TMC8: variants seen among roughly 807,000 people sequenced by gnomAD.
TMC8 encodes the protein transmembrane channel-like protein 8.
TMC8 carries 71 observed loss-of-function variants against 76.0 expected under a neutral mutation model. The ratio of observed to expected loss-of-function variants is 0.93; its 90% CI spans 0.77 to 1.14. The LOEUF (loss-of-function observed/expected upper bound fraction) is 1.14. Among genes scored for constraint, TMC8 ranks in the 50% most tolerant of loss-of-function variants. The pLI, the probability that TMC8 is intolerant of heterozygous loss-of-function variation, is 0.00. For missense variants in TMC8, 924 were observed against 947.9 expected (o/e 0.97, Z 0.33); for synonymous variants, 433 against 433.8 (o/e 1.00, Z 0.02).
chr17:78,134,735 C>A (rs1168403482), intron 8 of TMC8, 135 bp from the exon 9 acceptor site: 2 of 1,532,208 alleles, frequency 1.3e-6, no homozygotes, highest in Non-Finnish European at 1.8e-6. Flanking sequence ...AACTGCCAGG[C>A]TGCTGCAGGG....
Position 78,139,000 on chromosome 17 carries a change from C to T in TMC8, c.1824-162C>T, listed in dbSNP as rs573082004. On this transcript the variant is annotated intron_variant, in intron 14 of 15. Transcript: ENST00000318430. ...GCCAGAGGGGAGGGGATGAGGGGCT[C>T]TGCGAGGAAGGAGAGGAGGGTCCCA... 3 of 1,557,116 alleles carry T rather than the reference C, an allele frequency of 1.9e-6. No individual in the cohort carries two copies. In the South Asian group the frequency reaches 3.5e-5, roughly 18 times the overall value.
rs2075395782 is a variant in TMC8, at chr17:78,142,900, C to T, written c.*1788C>T. 1 of 151,790 alleles carries T rather than the reference C, an allele frequency of 6.6e-6. No individual in the cohort carries two copies. The highest frequency in any genetic ancestry group is 2.4e-5 in the African/African-American group (1 of 41,252). 9.4% of individuals were successfully genotyped at this position (151,790 alleles called of 1,614,324 possible). A position where few individuals can be genotyped will look rare whatever the true frequency, so the allele number is the denominator to read the frequency against. On this transcript the variant is annotated 3_prime_UTR_variant, in exon 16 of 16. Transcript: ENST00000318430. ...ATCAAACTCTGGGCCTCGGTGTGCTCACCCAGGGCGAGACAAAGACGCCAT... is the reference window on the plus strand; with the variant it reads ...ATCAAACTCTGGGCCTCGGTGTGCTTACCCAGGGCGAGACAAAGACGCCAT...
chr17:78,139,072 T>G, intron 14 of TMC8, 90 bp from the exon 15 acceptor site: 1 of 1,584,184 alleles, frequency 6.3e-7, no homozygotes, highest in Non-Finnish European at 8.6e-7. Context: ...GTACCGCGTA[T>G]TGTAGAGATT....
At chr17:78,138,796 G>A in intron 14 of TMC8, 64 bp downstream of exon 14, 1 of 1,594,374 alleles carries the variant, frequency 6.3e-7, no homozygotes, top group Non-Finnish European at 8.5e-7. Context: ...CCTTCCATGG[G>A]GGTGGTGAGC....
chr17:78,141,191 A>C lies in TMC8; in HGVS notation c.*79A>C. On this transcript the variant is annotated 3_prime_UTR_variant, in exon 16 of 16. Coordinates refer to ENST00000318430, the MANE Select transcript of TMC8 (RefSeq NM_152468.5). ...TCCATCTTCCAGACCCCTGGCGACCACCGCCCCTCTCAGTGGCTCCAGGGC... is the reference window on the plus strand; with the variant it reads ...TCCATCTTCCAGACCCCTGGCGACCCCCGCCCCTCTCAGTGGCTCCAGGGC... The C allele has an allele frequency of 2.0e-6, 2 of 1,004,760 alleles. No homozygotes were observed. Among genetic ancestry groups the C allele is most frequent in the East Asian group, 2.9e-5 (1 of 34,754 alleles). 62.2% of individuals were successfully genotyped at this position (1,004,760 alleles called of 1,614,324 possible).
At chr17:78,136,569 G>A (rs1208175955) in intron 9 of TMC8, 1 of 169,982 alleles carries the variant, frequency 5.9e-6, no homozygotes, top group Non-Finnish European at 1.3e-5. Flanking sequence ...CATATGTGTG[G>A]CACGTGTTTA....
intron 7 of TMC8, 44 bp from the exon 8 acceptor site, chr17:78,134,350 C>T (rs1372641129): frequency 9.4e-6 from 15 of 1,599,964 alleles, no homozygotes; most frequent in Non-Finnish European, 1.1e-5. Flanking sequence ...TCCTCCCATG[C>T]CCACCCCGCC....
At chr17:78,139,098 G>A in intron 14 of TMC8, 64 bp from the exon 15 acceptor site, 1 of 1,602,288 alleles carries the variant, frequency 6.2e-7, no homozygotes, top group Non-Finnish European at 8.5e-7. Flanking sequence ...GGGGAGAGAG[G>A]AAGTCAGGGA....
chr17:78,131,445 GC>G lies in TMC8; in HGVS notation c.-142del. On this transcript the variant is annotated 5_prime_UTR_variant, in exon 2 of 16. An upstream open reading frame in the 5' UTR loses its in-frame stop. Coordinates refer to ENST00000318430, the MANE Select transcript of TMC8 (RefSeq NM_152468.5). ...GGGCTGCAGGAGCCCAGGCCCCGAC[GC>G]CGGCGCAGAGGGGACGGAAGGGCCC... 1.6e-6 allele frequency: 2 copies of G among 1,214,076 alleles called. No individual in the cohort carries two copies. The highest frequency in any genetic ancestry group is 2.3e-6 in the Non-Finnish European group (2 of 863,140). 75.2% of individuals were successfully genotyped at this position (1,214,076 alleles called of 1,614,324 possible).
At chr17:78,136,257 A>C (rs2075225925) in intron 9 of TMC8, among the ~76,000 whole-genome samples, 1 of 152,182 alleles carries the variant, frequency 6.6e-6, no homozygotes, top group Non-Finnish European at 1.5e-5. Flanking sequence ...TGATCCCAGG[A>C]GTTTGAGACC....
At position 78,138,013 on chromosome 17, in the gene TMC8, TGGACCGGTTCTC is replaced by T; in HGVS notation, c.1359_1370del (p.Asp454_Ser457del). 6.2e-7 allele frequency: 1 copy of T among 1,613,896 alleles called. No homozygotes were observed. Among genetic ancestry groups the T allele is most frequent in the East Asian group, 2.2e-5 (1 of 44,876 alleles). ...CCCTCCCATCCCTGCAGGCTGCTGGTGGACCGGTTCTCAGGCCGGTTCTGGGCCTGGCTGGAA... is the reference window on the plus strand; with the variant it reads ...CCCTCCCATCCCTGCAGGCTGCTGGTAGGCCGGTTCTGGGCCTGGCTGGAA... On this transcript the variant is annotated inframe_deletion, in exon 12 of 16. Coordinates refer to ENST00000318430, the MANE Select transcript of TMC8 (RefSeq NM_152468.5).
At chr17:78,137,958 C>T (rs200276471) in intron 11 of TMC8, 47 bp from the exon 12 acceptor site, 26 of 1,610,720 alleles carry the variant, frequency 1.6e-5, no homozygotes, top group South Asian at 8.8e-5. Context: ...ATACAGCCCA[C>T]GCATCTGTCT....
intron 7 of TMC8, among the ~76,000 whole-genome samples, 178 bp downstream of exon 7, chr17:78,134,178 T>C (rs530432750): frequency 1.4e-4 from 21 of 152,320 alleles, no homozygotes; most frequent in African/African-American, 4.8e-4. Flanking sequence ...TGTGCATGTG[T>C]GGCCGAGTGT....
rs1166689406 is a variant in TMC8 at position 78,132,413 on chromosome 17, T to A, written c.353T>A (p.Leu118Gln). The change falls in exon 4 of 16, where the codon CTA (leucine) becomes CAA (glutamine). Residue 118 changes from leucine to glutamine, a missense_variant. Physicochemically the swap from Leu to Gln is moderately radical, Grantham distance 113. Coordinates refer to ENST00000318430, the MANE Select transcript of TMC8 (RefSeq NM_152468.5). ...TTCACCTTCCTCCGCTTCCTGCTGC[T>A]ACTCAACCTGCTGAGCCTGCTGCTC... is the stretch of plus-strand genomic sequence containing the variant. ...SYFTFLRFLL[L>Q]LNLLSLLLTA... The A allele has an allele frequency of 3.7e-6, 6 of 1,612,864 alleles. No homozygotes were observed. The highest frequency in any genetic ancestry group is 5.1e-6 in the Non-Finnish European group (6 of 1,179,712).
At position 78,131,545 on chromosome 17, in the gene TMC8, C is replaced by T; in HGVS notation, c.-44C>T. The T allele has an allele frequency of 6.5e-7, 1 of 1,537,318 alleles. No individual in the cohort carries two copies. The highest frequency in any genetic ancestry group is 8.7e-7 in the Non-Finnish European group (1 of 1,146,364). On this transcript the variant is annotated 5_prime_UTR_variant, in exon 2 of 16. Transcript: ENST00000318430. ...ATCCAACCGGGGACTCATATCCCCCCCACCGGCAGCCCGGCGCCCCAGCCT... is the reference window on the plus strand; with the variant it reads ...ATCCAACCGGGGACTCATATCCCCCTCACCGGCAGCCCGGCGCCCCAGCCT...
chr17:78,132,476 GC>G lies in TMC8; in HGVS notation c.422del (p.Pro141LeufsTer7), dbSNP rs749599063. 1.2e-6 allele frequency: 2 copies of G among 1,611,502 alleles called. No individual in the cohort carries two copies. Among genetic ancestry groups the G allele is most frequent in the East Asian group, 2.2e-5 (1 of 44,830 alleles). On this transcript the variant is annotated frameshift_variant, in exon 4 of 16. Transcript: ENST00000318430. LOFTEE classifies it high-confidence loss of function. ...SFVLLPLVWL[R>X]PPDPGPTLNL... ...GTGCTGCTGCCCCTGGTCTGGCTCC[GC>G]CCCCCTGACCCAGGCCCCACCCTGA...
In TMC8 at chr17:78,134,398, AGCT is replaced by A; in HGVS notation, c.823_825del (p.Leu275del). The A allele has an allele frequency of 6.2e-7, 1 of 1,610,830 alleles. No individual in the cohort carries two copies. The highest frequency in any genetic ancestry group is 1.1e-5 in the South Asian group (1 of 91,066). ...TGTCCCCACCCTTCCGGGCAGGTGG[AGCT>A]GGAGGAGGGCCGTCGCTTCCAGCTG... On this transcript the variant is annotated inframe_deletion, in exon 8 of 16. Coordinates refer to ENST00000318430, the MANE Select transcript of TMC8 (RefSeq NM_152468.5).
intron 15 of TMC8, 109 bp from the exon 16 acceptor site, chr17:78,140,725 C>T (rs1186111268): frequency 1.4e-6 from 2 of 1,461,120 alleles, no homozygotes; most frequent in Middle Eastern, 2.3e-4. Flanking sequence ...CCTCTGGCTA[C>T]TTTGGGTGCG....
At position 78,131,441 on chromosome 17, in the gene TMC8, C is replaced by T; in HGVS notation, c.-148C>T. On this transcript the variant is annotated 5_prime_UTR_variant, in exon 2 of 16. Transcript: ENST00000318430. Reference sequence around the variant, plus strand: ...CCTAGGGCTGCAGGAGCCCAGGCCCCGACGCCGGCGCAGAGGGGACGGAAG... The same window carrying T: ...CCTAGGGCTGCAGGAGCCCAGGCCCTGACGCCGGCGCAGAGGGGACGGAAG... The T allele has an allele frequency of 8.5e-7, 1 of 1,176,058 alleles. No homozygotes were observed. Among genetic ancestry groups the T allele is most frequent in the Non-Finnish European group, 1.2e-6 (1 of 829,002 alleles). 72.9% of individuals were successfully genotyped at this position (1,176,058 alleles called of 1,614,324 possible). A position where few individuals can be genotyped will look rare whatever the true frequency, so the allele number is the denominator to read the frequency against.
Sources: gnomAD v4.1 joint callset for allele counts (sites outside exome capture counted in the v4.1 genomes callset) on GRCh38, gnomAD v4.1.1 for gene constraint, MANE v1.5 for transcripts, NCBI Gene and HGNC (gene_info 2026-07-23, HGNC 2026-07-21) for gene names.